Variants in ETFBKMT observed in about 807,000 individuals in gnomAD.
ETFBKMT encodes the protein electron transfer flavoprotein subunit beta lysine methyltransferase, also known as electron transfer flavoprotein beta subunit lysine methyltransferase.
In ETFBKMT, 13 loss-of-function variants were observed where a neutral mutation model predicts 18.3. That is an observed-to-expected ratio of 0.71 (90% CI 0.46 to 1.13). The LOEUF (loss-of-function observed/expected upper bound fraction) is 1.13, where lower values mean the gene tolerates loss of function less well. ETFBKMT is among the 50% of genes most tolerant of loss of function. ETFBKMT has a pLI of 0.00. For synonymous variants in ETFBKMT, 84 were observed against 107.9 expected, an observed-to-expected ratio of 0.78 and a Z score of 1.37; for missense variants, 293 against 306.2, an observed-to-expected ratio of 0.96 and a Z score of 0.32.
intron 1 of ETFBKMT, among the ~76,000 whole-genome samples, chr12:31,648,762 C>T (rs1179243750): frequency 1.6e-4 from 25 of 151,922 alleles, no homozygotes; most frequent in East Asian, 7.8e-4. Context: ...AGGGTTTCAC[C>T]ATGTTAGCCA....
At position 31,648,737 on chromosome 12, in the gene ETFBKMT, A is replaced by G. The variant is rs1045110419; in HGVS notation, c.-114+1482A>G. ...CCACCACGCCTGGCTAAGTTTTTGT[A>G]TTTTTAGTAGAGACAGGGTTTCACC... On this transcript the variant is annotated intron_variant, in intron 1 of 3. Coordinates refer to the ETFBKMT transcript ENST00000412352. 5.3e-5 allele frequency among the ~76,000 whole-genome samples: 8 copies of G among 150,296 alleles called. No individual in the cohort carries two copies. The South Asian group carries it at 1.1e-3, about 20-fold the overall frequency.
intron 1 of ETFBKMT, among the ~76,000 whole-genome samples, chr12:31,650,219 G>C (rs949140315): frequency 2.0e-5 from 3 of 151,808 alleles, no homozygotes; most frequent in African/African-American, 7.3e-5. Flanking sequence ...GTTGCAGTAA[G>C]GAAGCCAACC....
chr12:31,651,868 G>C (rs1163399556), intron 1 of ETFBKMT, among the ~76,000 whole-genome samples: 1 of 152,140 alleles, frequency 6.6e-6, no homozygotes, highest in African/African-American at 2.4e-5. Flanking sequence ...TTCTAACAAA[G>C]AGCATTCTGT....
rs907895173 is a variant in ETFBKMT at position 31,670,052 on chromosome 12, A to C, written c.*2062A>C. 1 of 152,372 alleles carries C rather than the reference A, an allele frequency of 6.6e-6. No individual in the cohort carries two copies. The highest frequency in any genetic ancestry group is 1.5e-5 in the Non-Finnish European group (1 of 68,280). The allele number at this position is 152,372 out of a possible 1,614,324, so 9.4% of individuals were successfully genotyped here. A position where few individuals can be genotyped will look rare whatever the true frequency, so the allele number is the denominator to read the frequency against. On this transcript the variant is annotated 3_prime_UTR_variant, in exon 4 of 4. Coordinates refer to ENST00000357721, the MANE Select transcript of ETFBKMT (RefSeq NM_001135863.2). ...TTTTTAGTAAAGACAGGGCTTCGCCATGTTGGCCAGGCTGGTCTCGAACTC... is the reference window on the plus strand; with the variant it reads ...TTTTTAGTAAAGACAGGGCTTCGCCCTGTTGGCCAGGCTGGTCTCGAACTC...
chr12:31,652,230 T>G (rs1010473668), intron 1 of ETFBKMT, among the ~76,000 whole-genome samples: 1 of 152,142 alleles, frequency 6.6e-6, no homozygotes, highest in Non-Finnish European at 1.5e-5. Flanking sequence ...CATTTCTCTA[T>G]AGAGAAAGCT....
At chr12:31,659,217 C>G (rs920149615), upstream of ETFBKMT, 1 of 152,294 alleles carries the variant, frequency 6.6e-6, no homozygotes, top group Non-Finnish European at 1.5e-5. Flanking sequence ...GTCCCGCCCC[C>G]TGCCGGGCCG....
At chr12:31,662,373 C>A in intron 2 of ETFBKMT, 106 bp downstream of exon 2, 1 of 1,021,512 alleles carries the variant, frequency 9.8e-7, no homozygotes, top group Non-Finnish European at 1.4e-6. Context: ...TGGCTCATGC[C>A]TGTAGTCTCA....
At chr12:31,666,372 C>T (rs1240862521) in intron 3 of ETFBKMT, among the ~76,000 whole-genome samples, 155 bp downstream of exon 3, 2 of 152,050 alleles carry the variant, frequency 1.3e-5, no homozygotes, top group African/African-American at 2.4e-5. Flanking sequence ...TGTAGGAATC[C>T]CCTGAGGTCT....
intron 1 of ETFBKMT, among the ~76,000 whole-genome samples, chr12:31,649,632 T>C (rs1488160346): frequency 6.6e-6 from 1 of 152,186 alleles, no homozygotes; most frequent in African/African-American, 2.4e-5. Context: ...CAACAATTAC[T>C]TTTGCACCAA....
At position 31,666,184 on chromosome 12, in the gene ETFBKMT, G is replaced by A. The variant is rs780792017; in HGVS notation, c.412G>A (p.Ala138Thr). 6.2e-7 allele frequency: 1 copy of A among 1,614,080 alleles called. No homozygotes were observed. The highest frequency in any genetic ancestry group is 1.1e-5 in the South Asian group (1 of 91,088). Residue 138 changes from alanine to threonine, a missense_variant, in exon 3 of 4, where the codon GCA (alanine) becomes ACA (threonine). Coordinates refer to ENST00000357721, the MANE Select transcript of ETFBKMT (RefSeq NM_001135863.2). ...ATAIAAKMSG[A>T]SRILANDIDP... ...AGCTATTGCTGCTAAGATGAGTGGG[G>A]CATCAAGGATCTTGGCCAATGACAT...
At position 31,650,626 on chromosome 12, in the gene ETFBKMT, C is replaced by CTTTTTTTTTTTTTTTTTTTTTTTTTTT. The variant is rs543201341; in HGVS notation, c.-114+3371_-114+3372insTTTTTTTTTTTTTTTTTTTTTTTTTTT. 1.4e-5 allele frequency among the ~76,000 whole-genome samples: 2 copies of CTTTTTTTTTTTTTTTTTTTTTTTTTTT among 140,640 alleles called. 1 individual carries two copies. Among genetic ancestry groups the CTTTTTTTTTTTTTTTTTTTTTTTTTTT allele is most frequent in the African/African-American group, 5.4e-5 (2 of 37,146 alleles). 92.3% of individuals were successfully genotyped at this position (140,640 alleles called of 152,430 possible). The stretch of plus-strand genomic sequence containing the variant: ...TGAGTGGAAGATTGAAATGACCTGA[C>CTTTTTTTTTTTTTTTTTTTTTTTTTTT]CTTTTTTTTTTTTTTTAAAGAATCA... On this transcript the variant is annotated intron_variant, in intron 1 of 3. Transcript: ENST00000412352.
intron 2 of ETFBKMT, among the ~76,000 whole-genome samples, chr12:31,665,312 G>A (rs1951180597): frequency 1.3e-5 from 2 of 152,102 alleles, no homozygotes. Flanking sequence ...CACACCTGCT[G>A]AAGAGAAAGA....
At position 31,668,392 on chromosome 12, in the gene ETFBKMT, T is replaced by C. The variant is rs943082341; in HGVS notation, c.*402T>C. ...ACAAAACAGAAGAAGACTATATATA[T>C]ATTTTTTCTTTTTTTAGAGACAGTC... is the stretch of plus-strand genomic sequence containing the variant. On this transcript the variant is annotated 3_prime_UTR_variant, in exon 4 of 4. Coordinates refer to ENST00000357721, the MANE Select transcript of ETFBKMT (RefSeq NM_001135863.2). 1 of 153,776 alleles carries C rather than the reference T, an allele frequency of 6.5e-6. No individual in the cohort carries two copies. Among genetic ancestry groups the C allele is most frequent in the Non-Finnish European group, 1.4e-5 (1 of 69,314 alleles). 9.5% of individuals were successfully genotyped at this position (153,776 alleles called of 1,614,324 possible). A position where few individuals can be genotyped will look rare whatever the true frequency, so the allele number is the denominator to read the frequency against.
chr12:31,672,351 A>G lies in ETFBKMT; in HGVS notation c.*4361A>G, dbSNP rs11051524. 6.3e-7 allele frequency: 1 copy of G among 1,578,090 alleles called. No homozygotes were observed. Among genetic ancestry groups the G allele is most frequent in the Non-Finnish European group, 8.6e-7 (1 of 1,159,896 alleles). ...TGCTTTAGTTTGTTTGGGCCTACTA[A>G]TTGCTCCAACACTTCTCGGGAATGA... On this transcript the variant is annotated 3_prime_UTR_variant, in exon 4 of 4. Coordinates refer to ENST00000357721, the MANE Select transcript of ETFBKMT (RefSeq NM_001135863.2).
rs1260254547 is a variant in ETFBKMT, at chr12:31,670,011, C to A, written c.*2021C>A. The A allele has an allele frequency of 1.3e-5, 2 of 151,880 alleles. No individual in the cohort carries two copies. The highest frequency in any genetic ancestry group is 1.3e-4 in the Admixed American group (2 of 15,244). The allele number at this position is 151,880 out of a possible 1,614,324, so 9.4% of individuals were successfully genotyped here. Reference sequence around the variant, plus strand: ...GGATTACAGGCATGCACCACCATGCCCAGCTAATTTTTGTATTTTTAGTAA... The same window carrying A: ...GGATTACAGGCATGCACCACCATGCACAGCTAATTTTTGTATTTTTAGTAA... On this transcript the variant is annotated 3_prime_UTR_variant, in exon 4 of 4. Coordinates refer to ENST00000357721, the MANE Select transcript of ETFBKMT (RefSeq NM_001135863.2).
chr12:31,672,061 A>G lies in ETFBKMT; in HGVS notation c.*4071A>G. The G allele has an allele frequency of 2.5e-6, 1 of 392,580 alleles. No individual in the cohort carries two copies. The highest frequency in any genetic ancestry group is 4.6e-6 in the Non-Finnish European group (1 of 217,362). The allele number at this position is 392,580 out of a possible 1,614,324, so 24.3% of individuals were successfully genotyped here. ...ATAGATCAGAGTTCATGCTAGGATT[A>G]TCATTTCAAAAATAATGACTCATCC... On this transcript the variant is annotated 3_prime_UTR_variant, in exon 4 of 4. Transcript: ENST00000357721.
chr12:31,649,583 T>C (rs1327164610), intron 1 of ETFBKMT, among the ~76,000 whole-genome samples: 1 of 152,128 alleles, frequency 6.6e-6, no homozygotes, highest in African/African-American at 2.4e-5. Context: ...CTCACAGTAT[T>C]TAAATTTTTT....
upstream of ETFBKMT, among the ~76,000 whole-genome samples, chr12:31,657,733 A>G (rs1487436940): frequency 6.6e-6 from 1 of 151,122 alleles, no homozygotes; most frequent in Non-Finnish European, 1.5e-5. Flanking sequence ...CAGAGGTTAC[A>G]ATGAGCCGAG....
At chr12:31,660,324 T>C (rs1951106612) in intron 1 of ETFBKMT, among the ~76,000 whole-genome samples, 1 of 152,136 alleles carries the variant, frequency 6.6e-6, no homozygotes. Context: ...TCTGTTATTT[T>C]ACAGCCAGCC....
Sources: gnomAD v4.1 joint callset for allele counts (sites outside exome capture counted in the v4.1 genomes callset) on GRCh38, gnomAD v4.1.1 for gene constraint, MANE v1.5 for transcripts, NCBI Gene and HGNC (gene_info 2026-07-23, HGNC 2026-07-21) for gene names.